NAV3: variants seen among roughly 807,000 people sequenced by gnomAD.
The protein encoded by NAV3 is neuron navigator 3.
A neutral mutation model predicts 244.7 loss-of-function variants in NAV3; 87 were observed. The observed-to-expected ratio is 0.36, with a 90% CI of 0.30 to 0.42. NAV3 has a LOEUF of 0.42. NAV3 is among the 20% of genes least tolerant of loss of function. The pLI is 1.00. For missense variants in NAV3, 2,663 were observed against 2,893.3 expected (o/e 0.92, Z 1.83); for synonymous variants, 1,126 against 1,042.2 (o/e 1.08, Z -1.55).
chr12:77,801,133 A>G (rs915045048), intron 2 of NAV3, among the ~76,000 whole-genome samples: 26 of 152,168 alleles, frequency 1.7e-4, no homozygotes, highest in Non-Finnish European at 2.9e-5. Flanking sequence ...AAAACCTTAT[A>G]TGATAATGAT....
chr12:78,099,937 C>T (rs1438834443), intron 12 of NAV3, among the ~76,000 whole-genome samples: 2 of 151,828 alleles, frequency 1.3e-5, no homozygotes, highest in South Asian at 2.1e-4. Context: ...GTATAAAGAA[C>T]AAGAGCTTTC....
intron 29 of NAV3, among the ~76,000 whole-genome samples, chr12:78,180,339 A>G (rs300523): frequency 0.39 from 59,855 of 151,834 alleles, 12,638 homozygotes; most frequent in Non-Finnish European, 0.48. Context: ...TCATCTAAAG[A>G]CTTTTGTTGT....
chr12:78,022,852 G>C (rs1877387447), intron 9 of NAV3, among the ~76,000 whole-genome samples: 1 of 152,106 alleles, frequency 6.6e-6, no homozygotes, highest in Non-Finnish European at 1.5e-5. Context: ...AACATCCCAA[G>C]GGTACATTTT....
chr12:78,154,317 A>ATATATACTATATAT (rs1957210405), intron 22 of NAV3, among the ~76,000 whole-genome samples: 9 of 92,462 alleles, frequency 9.7e-5, no homozygotes, highest in African/African-American at 3.3e-4. Context: ...TATATAGTAT[A>ATATATACTATATAT]TATATAGTAT....
intron 2 of NAV3, among the ~76,000 whole-genome samples, chr12:77,721,580 T>G (rs1443472041): frequency 6.6e-6 from 1 of 152,080 alleles, no homozygotes; most frequent in African/African-American, 2.4e-5. Flanking sequence ...TATAAAAACA[T>G]GAAATATAAT....
At position 77,831,705 on chromosome 12, in the gene NAV3, G is replaced by A. The variant is rs751299673; in HGVS notation, c.243+1G>A. 8 of 1,597,914 alleles carry A rather than the reference G, an allele frequency of 5.0e-6. No homozygotes were observed. The highest frequency in any genetic ancestry group is 1.7e-4 in the Middle Eastern group (1 of 5,928). On this transcript the variant is annotated splice_donor_variant, in intron 1 of 39. Coordinates refer to ENST00000397909, the MANE Select transcript of NAV3 (RefSeq NM_001024383.2). LOFTEE classifies it high-confidence loss of function. Reference sequence around the variant, plus strand: ...AGCCAAGGAGAAAGAAGACAGCAAGGTTAGTTGCTGAAGTTACCTGCAGAC... The same window carrying A: ...AGCCAAGGAGAAAGAAGACAGCAAGATTAGTTGCTGAAGTTACCTGCAGAC...
chr12:77,940,987 A>ATT, intron 2 of NAV3, 94 bp from the exon 3 acceptor site: 3 of 748,618 alleles, frequency 4.0e-6, no homozygotes, highest in African/African-American at 1.8e-5. Flanking sequence ...TTTGCTTGGT[A>ATT]TTTTTTTTTT....
At chr12:77,990,456 A>G (rs1157885813) in intron 5 of NAV3, among the ~76,000 whole-genome samples, 1 of 152,156 alleles carries the variant, frequency 6.6e-6, no homozygotes, top group Non-Finnish European at 1.5e-5. Context: ...GTTTCAGTTC[A>G]TTGATACTAT....
At chr12:78,190,599 G>C (rs1311546338) in intron 34 of NAV3, among the ~76,000 whole-genome samples, 2 of 152,040 alleles carry the variant, frequency 1.3e-5, no homozygotes, top group African/African-American at 4.8e-5. Flanking sequence ...GTAATAGTTT[G>C]TTGGATCTTA....
chr12:77,993,176 TG>T (rs1328445874), intron 5 of NAV3, among the ~76,000 whole-genome samples: 5 of 152,156 alleles, frequency 3.3e-5, no homozygotes, highest in Admixed American at 3.3e-4. Context: ...AATAATGAGG[TG>T]GGGGGACCAG....
At chr12:77,675,645 C>T (rs1240961837) in intron 2 of NAV3, among the ~76,000 whole-genome samples, 1 of 152,134 alleles carries the variant, frequency 6.6e-6, no homozygotes, top group African/African-American at 2.4e-5. Context: ...TTTAGGCAAT[C>T]CTCTTAGGTA....
chr12:77,655,071 C>G (rs186436879), intron 2 of NAV3, among the ~76,000 whole-genome samples: 1 of 152,322 alleles, frequency 6.6e-6, no homozygotes, highest in South Asian at 2.1e-4. Context: ...TCCAAAGGAT[C>G]GCACTTCCTC....
intron 5 of NAV3, among the ~76,000 whole-genome samples, chr12:77,979,713 A>C (rs534673320): frequency 4.3e-5 from 2 of 46,358 alleles, no homozygotes; most frequent in Non-Finnish European, 8.2e-5. Flanking sequence ...AAAAAAAAAG[A>C]AAAAAAAAAA....
chr12:78,193,620 C>T (rs549214042), intron 34 of NAV3, among the ~76,000 whole-genome samples: 91 of 152,194 alleles, frequency 6.0e-4, no homozygotes, highest in East Asian at 3.9e-4. Context: ...TGCATCAGTG[C>T]CTCAATCTAA....
At chr12:77,785,613 C>T (rs1040310440) in intron 2 of NAV3, among the ~76,000 whole-genome samples, 5 of 152,018 alleles carry the variant, frequency 3.3e-5, no homozygotes, top group African/African-American at 7.2e-5. Flanking sequence ...AACTGATTTT[C>T]GAGGGTCAAG....
chr12:77,792,830 A>G (rs542105505), intron 2 of NAV3, among the ~76,000 whole-genome samples: 1 of 152,284 alleles, frequency 6.6e-6, no homozygotes, highest in East Asian at 1.9e-4. Flanking sequence ...GTCTGCCTCT[A>G]AGAAGCCCAC....
At chr12:77,847,508 G>T (rs2136219751) in intron 1 of NAV3, among the ~76,000 whole-genome samples, 1 of 152,292 alleles carries the variant, frequency 6.6e-6, no homozygotes, top group Middle Eastern at 3.4e-3. Flanking sequence ...AAATCCAACT[G>T]AAAGCAACAG....
intron 2 of NAV3, among the ~76,000 whole-genome samples, chr12:77,649,161 A>G (rs1872720507): frequency 6.6e-6 from 1 of 152,166 alleles, no homozygotes; most frequent in Non-Finnish European, 1.5e-5. Context: ...CCCAGATTAG[A>G]AATGAAATAT....
At chr12:78,138,539 C>A (rs1315730651) in intron 19 of NAV3, among the ~76,000 whole-genome samples, 1 of 152,124 alleles carries the variant, frequency 6.6e-6, no homozygotes, top group East Asian at 1.9e-4. Context: ...ACTCAGTTCA[C>A]TGTGACAGAC....
Sources: allele counts gnomAD v4.1 joint callset (sites outside exome capture counted in the v4.1 genomes callset), GRCh38; gene constraint gnomAD v4.1.1; transcripts MANE v1.5; gene names NCBI Gene and HGNC (gene_info 2026-07-23, HGNC 2026-07-21).